Variants in CADPS observed in about 807,000 individuals in gnomAD.
CADPS encodes calcium dependent secretion activator, also known as calcium-dependent secretion activator 1.
In CADPS, 57 loss-of-function variants were observed where a neutral mutation model predicts 167.3. That is an observed-to-expected ratio of 0.34 (90% confidence interval 0.28 to 0.42). The LOEUF (loss-of-function observed/expected upper bound fraction) is 0.42. Ranked by LOEUF, CADPS falls within the 20% of genes least tolerant of loss-of-function variation. The probability of loss-of-function intolerance (pLI) is 1.00; values close to 1 mark genes in which losing one functional copy is unlikely to be tolerated. For missense variants in CADPS, 1,414 were observed against 1,738.1 expected (o/e 0.81, Z 3.32); for synonymous variants, 676 against 635.3 (o/e 1.06, Z -0.96).
At chr3:62,662,493 G>T in intron 3 of CADPS, 99 bp from the exon 4 acceptor site, 1 of 962,876 alleles carries the variant, frequency 1.0e-6, no homozygotes, top group Non-Finnish European at 1.6e-6. Flanking sequence ...GTGCTCCATG[G>T]ACATATTTCA....
intron 1 of CADPS, among the ~76,000 whole-genome samples, chr3:62,820,649 A>G (rs1372035830): frequency 6.6e-6 from 1 of 152,164 alleles, no homozygotes; most frequent in Non-Finnish European, 1.5e-5. Flanking sequence ...GAAGGGTGAA[A>G]GCCTGAACAG....
At chr3:62,630,679 A>G (rs2065109196) in intron 6 of CADPS, among the ~76,000 whole-genome samples, 1 of 152,158 alleles carries the variant, frequency 6.6e-6, no homozygotes, top group East Asian at 1.9e-4. Flanking sequence ...ATTCCTATGA[A>G]GAAAATATAA....
rs2151101561 is a variant in CADPS at position 62,492,270 on chromosome 3, C to G, written c.2884+20G>C. ...CTGCACACTACTTAGGAAAGTCAAA[C>G]AGTCAAAGGTAATACATACAGTCAG... is the stretch of plus-strand genomic sequence containing the variant. On this transcript the variant is annotated intron_variant, in intron 20 of 29. Transcript: ENST00000383710. 6.2e-7 allele frequency: 1 copy of G among 1,609,540 alleles called. No homozygotes were observed. Among genetic ancestry groups the G allele is most frequent in the Non-Finnish European group, 8.5e-7 (1 of 1,176,502 alleles).
intron 8 of CADPS, among the ~76,000 whole-genome samples, chr3:62,582,627 C>T (rs1484599304): frequency 6.6e-6 from 1 of 152,176 alleles, no homozygotes; most frequent in Non-Finnish European, 1.5e-5. Context: ...TAAGGTTGCT[C>T]ATCCCTGATT....
chr3:62,531,222 TTC>T (rs10587853), intron 13 of CADPS, among the ~76,000 whole-genome samples: 109,724 of 150,642 alleles, frequency 0.73, 40,156 homozygotes, highest in Middle Eastern at 0.85. Context: ...ATAATGCAAC[TTC>T]TCTCTCTCTC....
chr3:62,684,451 G>A (rs2077639367), intron 3 of CADPS, among the ~76,000 whole-genome samples: 1 of 151,968 alleles, frequency 6.6e-6, no homozygotes, highest in Non-Finnish European at 1.5e-5. Context: ...AGGAGCCCTG[G>A]CTCTTTTTAT....
At chr3:62,493,694 A>C in intron 18 of CADPS, 29 bp from the exon 19 acceptor site, 1 of 1,550,782 alleles carries the variant, frequency 6.4e-7, no homozygotes, top group Non-Finnish European at 8.7e-7. Flanking sequence ...GAAAAAAATC[A>C]AGTCATGGAC....
intron 7 of CADPS, among the ~76,000 whole-genome samples, chr3:62,590,142 T>C (rs2085614367): frequency 1.4e-5 from 2 of 147,586 alleles, no homozygotes; most frequent in African/African-American, 2.5e-5. Context: ...CAAGCCGAGA[T>C]CACGCCACTG....
chr3:62,534,885 C>T (rs1291662500), intron 12 of CADPS, among the ~76,000 whole-genome samples: 1 of 151,986 alleles, frequency 6.6e-6, no homozygotes, highest in African/African-American at 2.4e-5. Flanking sequence ...AGATTCTGGA[C>T]CATAATTTTA....
chr3:62,768,489 G>T (rs972920320), intron 1 of CADPS, among the ~76,000 whole-genome samples: 1 of 152,056 alleles, frequency 6.6e-6, no homozygotes, highest in Admixed American at 6.5e-5. Flanking sequence ...GTTGACCCAG[G>T]CCAAATCTAT....
intron 5 of CADPS, among the ~76,000 whole-genome samples, chr3:62,650,634 G>A (rs1212430807): frequency 6.6e-6 from 1 of 152,184 alleles, no homozygotes; most frequent in East Asian, 1.9e-4. Context: ...ATTAAATTTA[G>A]TAGGTGGTTT....
chr3:62,634,919 T>C (rs956968464), intron 6 of CADPS, among the ~76,000 whole-genome samples: 7 of 152,178 alleles, frequency 4.6e-5, no homozygotes, highest in South Asian at 4.1e-4. Flanking sequence ...GCTGACCAAA[T>C]GAACCTAGGA....
chr3:62,864,406 A>G (rs986558173), intron 1 of CADPS, among the ~76,000 whole-genome samples: 3 of 152,200 alleles, frequency 2.0e-5, no homozygotes, highest in Non-Finnish European at 4.4e-5. Context: ...GCAATAACCA[A>G]GAATCACCAA....
intron 28 of CADPS, among the ~76,000 whole-genome samples, chr3:62,425,294 G>T (rs1047781209): frequency 2.0e-5 from 3 of 152,098 alleles, no homozygotes; most frequent in African/African-American, 7.2e-5. Context: ...ATGGTAGTAT[G>T]TTCACCGCCT....
At chr3:62,461,474 G>A (rs1474659988) in intron 26 of CADPS, among the ~76,000 whole-genome samples, 1 of 152,072 alleles carries the variant, frequency 6.6e-6, no homozygotes, top group Non-Finnish European at 1.5e-5. Context: ...GAGCTCTCCG[G>A]TATATCATAG....
At chr3:62,444,275 C>T (rs1163365628) in intron 27 of CADPS, among the ~76,000 whole-genome samples, 2 of 152,192 alleles carry the variant, frequency 1.3e-5, no homozygotes, top group African/African-American at 4.8e-5. Context: ...AAATTCATCC[C>T]CCATCCATCT....
intron 3 of CADPS, among the ~76,000 whole-genome samples, chr3:62,690,622 G>A (rs1343882094): frequency 1.3e-5 from 2 of 151,670 alleles, no homozygotes; most frequent in Middle Eastern, 3.2e-3. Flanking sequence ...ACCAAATTCT[G>A]CTTGGTACCC....
intron 1 of CADPS, among the ~76,000 whole-genome samples, chr3:62,804,044 T>C (rs73108373): frequency 0.18 from 27,163 of 152,032 alleles, 2,862 homozygotes; most frequent in Middle Eastern, 0.33. Context: ...AGTAGGACTC[T>C]GATTTTATTT....
At chr3:62,646,013 C>T (rs1283850162) in intron 5 of CADPS, among the ~76,000 whole-genome samples, 170 bp from the exon 6 acceptor site, 2 of 152,182 alleles carry the variant, frequency 1.3e-5, no homozygotes, top group African/African-American at 4.8e-5. Context: ...GATGCAATTC[C>T]TCATAGTGTA....
Sources: gnomAD v4.1 joint callset for allele counts (sites outside exome capture counted in the v4.1 genomes callset) on GRCh38, gnomAD v4.1.1 for gene constraint, MANE v1.5 for transcripts, NCBI Gene and HGNC (gene_info 2026-07-23, HGNC 2026-07-21) for gene names.